The following NSMCE2 variants were observed in gnomAD, a reference collection of about 807,000 sequenced individuals.
The protein encoded by NSMCE2 is E3 SUMO-protein ligase NSE2.
Under a neutral mutation model 23.8 loss-of-function variants are expected in NSMCE2, and 24 were observed. That is an observed-to-expected ratio of 1.01 (90% CI 0.73 to 1.42). The LOEUF is 1.42. Ranked by LOEUF, NSMCE2 falls within the 40% of genes most tolerant of loss-of-function variation. The pLI, the probability that NSMCE2 is intolerant of heterozygous loss-of-function variation, is 0.00. For synonymous variants in NSMCE2, 92 were observed against 94.1 expected, an observed-to-expected ratio of 0.98 and a Z score of 0.13; for missense variants, 284 against 296.5, an observed-to-expected ratio of 0.96 and a Z score of 0.31.
At chr8:125,215,758 G>C (rs1313945712) in intron 5 of NSMCE2, among the ~76,000 whole-genome samples, 1 of 152,318 alleles carries the variant, frequency 6.6e-6, no homozygotes, top group East Asian at 1.9e-4. Context: ...CATATGGGTA[G>C]CCAGTTTTCC....
At chr8:125,303,994 A>G (rs867707380) in intron 5 of NSMCE2, among the ~76,000 whole-genome samples, 1 of 152,224 alleles carries the variant, frequency 6.6e-6, no homozygotes, top group Non-Finnish European at 1.5e-5. Flanking sequence ...GAAATTGTCA[A>G]ATTGGCTTTG....
chr8:125,267,749 C>T (rs1826995473), intron 5 of NSMCE2, among the ~76,000 whole-genome samples: 1 of 152,078 alleles, frequency 6.6e-6, no homozygotes, highest in Non-Finnish European at 1.5e-5. Context: ...TGCATTCTAG[C>T]CTGGGTGAAG....
intron 5 of NSMCE2, among the ~76,000 whole-genome samples, chr8:125,317,969 T>C (rs2131258374): frequency 6.6e-6 from 1 of 152,336 alleles, no homozygotes; most frequent in Middle Eastern, 3.4e-3. Flanking sequence ...ATTTATGTGA[T>C]AGAGGATTAA....
At chr8:125,266,999 C>CTTGCTT (rs1563752901) in intron 5 of NSMCE2, among the ~76,000 whole-genome samples, 1 of 104,032 alleles carries the variant, frequency 9.6e-6, no homozygotes, top group African/African-American at 2.9e-5. Context: ...TTTCTTTTTT[C>CTTGCTT]TTTCTTTTTT....
At chr8:125,135,895 C>T (rs1820043812) in intron 3 of NSMCE2, among the ~76,000 whole-genome samples, 1 of 152,184 alleles carries the variant, frequency 6.6e-6, no homozygotes, top group Non-Finnish European at 1.5e-5. Context: ...AGGTCCTTTG[C>T]ATTTCCATGT....
In NSMCE2 at chr8:125,115,773, G is replaced by A. The variant is rs141777145; in HGVS notation, c.157+13286G>A. ...ATAAATAAATCTTTCATGGCCATTA[G>A]TATATTGTTTAGTCTTGACCTGGGA... is the stretch of plus-strand genomic sequence containing the variant. On this transcript the variant is annotated intron_variant, in intron 3 of 7. Coordinates refer to ENST00000287437, the MANE Select transcript of NSMCE2 (RefSeq NM_173685.4). 3.5e-4 allele frequency among the ~76,000 whole-genome samples: 53 copies of A among 152,284 alleles called. No homozygotes were observed. The East Asian group carries it at 0.01, about 29-fold the overall frequency.
intron 5 of NSMCE2, among the ~76,000 whole-genome samples, chr8:125,226,155 A>T (rs1178308054): frequency 6.6e-6 from 1 of 152,234 alleles, no homozygotes; most frequent in Non-Finnish European, 1.5e-5. Context: ...TTAAACTGAC[A>T]TTGGGCACCA....
chr8:125,256,923 A>C (rs1191390109), intron 5 of NSMCE2, among the ~76,000 whole-genome samples: 12 of 32,432 alleles, frequency 3.7e-4, no homozygotes, highest in African/African-American at 7.1e-4. Flanking sequence ...ACTCTGTGTC[A>C]AAAAAAAAAA....
chr8:125,266,995 T>TTTTC (rs1194901632), intron 5 of NSMCE2, among the ~76,000 whole-genome samples: 3 of 135,894 alleles, frequency 2.2e-5, no homozygotes, highest in South Asian at 2.4e-4. Flanking sequence ...AACTTTTCTT[T>TTTTC]TTTCTTTCTT....
intron 3 of NSMCE2, chr8:125,130,404 A>T (rs1026273558): frequency 2.7e-6 from 1 of 373,964 alleles, no homozygotes; most frequent in African/African-American, 2.1e-5. Context: ...GGAAGCAAGT[A>T]GCTCGCTGTA....
chr8:125,237,135 G>A (rs1825589716), intron 5 of NSMCE2, among the ~76,000 whole-genome samples: 1 of 152,156 alleles, frequency 6.6e-6, no homozygotes, highest in Non-Finnish European at 1.5e-5. Flanking sequence ...GGCAAATGTG[G>A]AGTCCACCAT....
intron 3 of NSMCE2, among the ~76,000 whole-genome samples, chr8:125,150,413 C>CTTTT (rs1820931525): frequency 1.0e-5 from 1 of 98,446 alleles, no homozygotes; most frequent in Non-Finnish European, 2.2e-5. Context: ...TTCTTTTTTT[C>CTTTT]TTTTCTTTCT....
Position 125,122,000 on chromosome 8 carries a change from G to A in NSMCE2, c.157+19513G>A, listed in dbSNP as rs912649074. 5.3e-5 allele frequency among the ~76,000 whole-genome samples: 8 copies of A among 151,976 alleles called. No homozygotes were observed. In the East Asian group the frequency reaches 1.4e-3, roughly 26 times the overall value. ...CCCCTTCCCAATTGCAGTAAGCTCT[G>A]AGATAAGTTCTTACCTACGCATTAT... On this transcript the variant is annotated intron_variant, in intron 3 of 7. Transcript: ENST00000287437.
At chr8:125,278,902 C>A (rs979795985) in intron 5 of NSMCE2, among the ~76,000 whole-genome samples, 2 of 151,674 alleles carry the variant, frequency 1.3e-5, no homozygotes. Context: ...CAACTCAAAC[C>A]GAGAACCAGG....
At chr8:125,125,400 TATCAC>T (rs1191922953) in intron 3 of NSMCE2, among the ~76,000 whole-genome samples, 64 of 152,314 alleles carry the variant, frequency 4.2e-4, no homozygotes, top group Non-Finnish European at 4.4e-5. Context: ...TTCCATCTAT[TATCAC>T]AGAGCGGGTA....
rs146249309 is a variant in NSMCE2 at position 125,300,551 on chromosome 8, T to C, written c.419-56668T>C. The stretch of plus-strand genomic sequence containing the variant: ...TAAAAAGTTATGGTATCTCAGTAAG[T>C]TGGCACTGTTCCATTCAACAGTCAT... On this transcript the variant is annotated intron_variant, in intron 5 of 7. Transcript: ENST00000287437. 3.4e-3 allele frequency among the ~76,000 whole-genome samples: 512 copies of C among 152,308 alleles called. 6 individuals are homozygous for C. The highest frequency in any genetic ancestry group is 0.012 in the African/African-American group (488 of 41,564).
intron 5 of NSMCE2, among the ~76,000 whole-genome samples, chr8:125,255,697 C>A (rs1004042831): frequency 2.6e-5 from 4 of 152,128 alleles, no homozygotes; most frequent in African/African-American, 9.7e-5. Context: ...CCCGTGTTTG[C>A]CAGGTGAAGA....
intron 5 of NSMCE2, among the ~76,000 whole-genome samples, chr8:125,256,836 G>A (rs1034702508): frequency 2.1e-5 from 3 of 145,092 alleles, no homozygotes; most frequent in African/African-American, 5.1e-5. Context: ...TGAGGCAGGC[G>A]AATTGCTTGA....
intron 5 of NSMCE2, among the ~76,000 whole-genome samples, chr8:125,313,498 A>C (rs910613738): frequency 6.6e-6 from 1 of 152,218 alleles, no homozygotes; most frequent in Non-Finnish European, 1.5e-5. Context: ...GTAAGCTCCA[A>C]ATTTGTATTT....
Sources: gnomAD v4.1 joint callset for allele counts (sites outside exome capture counted in the v4.1 genomes callset) on GRCh38, gnomAD v4.1.1 for gene constraint, MANE v1.5 for transcripts, NCBI Gene and HGNC (gene_info 2026-07-23, HGNC 2026-07-21) for gene names.